The following NHS variants were observed in gnomAD, a reference collection of about 807,000 sequenced individuals.
NHS encodes NHS actin remodeling regulator.
In NHS, 5 loss-of-function variants were observed where a neutral mutation model predicts 72.5. That is an observed-to-expected ratio of 0.07 (90% confidence interval 0.04 to 0.14). The LOEUF is 0.14. Among genes scored for constraint, NHS ranks in the 10% least tolerant of loss-of-function variants. The pLI is 1.00. For missense variants in NHS, 1,072 were observed against 1,355.7 expected, an observed-to-expected ratio of 0.79 and a Z score of 3.29; for synonymous variants, 464 against 547.7, an observed-to-expected ratio of 0.85 and a Z score of 2.13.
chrX:17,574,664 C>T (rs900372759), intron 1 of NHS, among the ~76,000 whole-genome samples: 6 of 111,933 alleles, frequency 5.4e-5, no homozygotes, highest in South Asian at 3.8e-4. Context: ...CTAGGTGAGG[C>T]GACACCCCAT....
At chrX:17,646,421 G>A (rs1343766098) in intron 1 of NHS, among the ~76,000 whole-genome samples, 1 of 111,455 alleles carries the variant, frequency 9.0e-6, no homozygotes, top group Non-Finnish European at 1.9e-5. Context: ...TATCTCAGAG[G>A]GGCCATTGAT....
chrX:17,409,172 G>A (rs964494070), intron 1 of NHS, among the ~76,000 whole-genome samples: 1 of 112,200 alleles, frequency 8.9e-6, no homozygotes, highest in African/African-American at 3.2e-5. Flanking sequence ...ATAACACAAG[G>A]TACTTGTTGC....
At chrX:17,576,196 T>A (rs1259977631) in intron 1 of NHS, among the ~76,000 whole-genome samples, 1 of 112,074 alleles carries the variant, frequency 8.9e-6, no homozygotes, top group Non-Finnish European at 1.9e-5. Context: ...GTTGAATCTC[T>A]GACTCACAGA....
At chrX:17,527,329 C>T (rs1431556694) in intron 1 of NHS, among the ~76,000 whole-genome samples, 1 of 113,172 alleles carries the variant, frequency 8.8e-6, no homozygotes, top group Non-Finnish European at 1.9e-5. Context: ...GACTTGGGCT[C>T]CCAAGTGAAA....
At chrX:17,695,267 C>G (rs1292104991) in intron 3 of NHS, among the ~76,000 whole-genome samples, 1 of 111,956 alleles carries the variant, frequency 8.9e-6, no homozygotes, top group Admixed American at 9.4e-5. Context: ...GATTTATTCA[C>G]TAGGGTGTTC....
chrX:17,645,235 C>T (rs1271034797), intron 1 of NHS, among the ~76,000 whole-genome samples: 1 of 111,642 alleles, frequency 9.0e-6, no homozygotes, highest in African/African-American at 3.3e-5. Context: ...ACATTGGTTA[C>T]TCACTACCAT....
In NHS at chrX:17,727,771, C is replaced by T; in HGVS notation, c.3665C>T (p.Thr1222Ile). ...PDKLHLEKNSTFDVKNRCDPE... is the reference protein window; with the variant it reads ...PDKLHLEKNSIFDVKNRCDPE... ...AAACTACATTTAGAAAAAAACTCTACTTTTGATGTGAAGAATCGCTGCGAT... is the reference window on the plus strand; with the variant it reads ...AAACTACATTTAGAAAAAAACTCTATTTTTGATGTGAAGAATCGCTGCGAT... Residue 1222 changes from threonine to isoleucine, a missense_variant, in exon 7 of 9, where the codon ACT becomes ATT. Physicochemically the swap from Thr to Ile is moderately conservative, Grantham distance 89. Coordinates refer to ENST00000676302, the MANE Select transcript of NHS (RefSeq NM_001291867.2). 8.3e-7 allele frequency: 1 copy of T among 1,211,681 alleles called. No individual in the cohort carries two copies. Among genetic ancestry groups the T allele is most frequent in the South Asian group, 1.8e-5 (1 of 56,977 alleles).
chrX:17,441,533 C>T (rs970857766), intron 1 of NHS, among the ~76,000 whole-genome samples: 1 of 111,650 alleles, frequency 9.0e-6, no homozygotes, highest in African/African-American at 3.3e-5. Flanking sequence ...AATATTTTGG[C>T]GCTTGACACT....
At chrX:17,575,308 C>T (rs999170778) in intron 1 of NHS, among the ~76,000 whole-genome samples, 10 of 113,273 alleles carry the variant, frequency 8.8e-5, no homozygotes, top group African/African-American at 2.2e-4. Flanking sequence ...CTGTTCCCAC[C>T]GGTCCAGCTT....
At chrX:17,627,556 A>G (rs1005263900) in intron 1 of NHS, among the ~76,000 whole-genome samples, 2 of 112,032 alleles carry the variant, frequency 1.8e-5, no homozygotes, top group Admixed American at 9.5e-5. Flanking sequence ...GCCTTTCTTT[A>G]GCATTCACAC....
chrX:17,394,126 A>G (rs1002779055), intron 1 of NHS, among the ~76,000 whole-genome samples: 12 of 111,423 alleles, frequency 1.1e-4, no homozygotes, highest in African/African-American at 3.6e-4. Flanking sequence ...TATCAGGAAT[A>G]TCTGAAACAT....
At chrX:17,522,894 C>T (rs2065157176) in intron 1 of NHS, among the ~76,000 whole-genome samples, 1 of 111,662 alleles carries the variant, frequency 9.0e-6, no homozygotes, top group South Asian at 3.8e-4. Flanking sequence ...TCATGCAGTT[C>T]TAATTCATCT....
chrX:17,440,933 C>T (rs1200151068), intron 1 of NHS, among the ~76,000 whole-genome samples: 1 of 111,150 alleles, frequency 9.0e-6, no homozygotes, highest in Non-Finnish European at 1.9e-5. Flanking sequence ...TTTGGGGAGC[C>T]CAAGGAGCTA....
intron 1 of NHS, among the ~76,000 whole-genome samples, chrX:17,488,317 C>G (rs1452968725): frequency 8.9e-6 from 1 of 111,776 alleles, no homozygotes; most frequent in Non-Finnish European, 1.9e-5. Context: ...AGCTCCCTTT[C>G]CCCCATTCTG....
Position 17,625,079 on chromosome X carries a change from A to G in NHS, c.566-62663A>G, listed in dbSNP as rs180702712. The stretch of plus-strand genomic sequence containing the variant: ...TCAACAAACAATAATTACATATACT[A>G]CATTATATATAACATGTTTATAAAT... On this transcript the variant is annotated intron_variant, in intron 1 of 8. Transcript: ENST00000676302. Among the ~76,000 whole-genome samples, 10 of 112,565 alleles carry G rather than the reference A, an allele frequency of 8.9e-5. No homozygotes were observed. The East Asian group carries it at 2.8e-3, about 31-fold the overall frequency.
At position 17,535,459 on chromosome X, in the gene NHS, T is replaced by C. The variant is rs564632731; in HGVS notation, c.566-152283T>C. Among the ~76,000 whole-genome samples, 5 of 111,913 alleles carry C rather than the reference T, an allele frequency of 4.5e-5. No homozygotes were observed. The South Asian group carries it at 1.1e-3, about 25-fold the overall frequency. On this transcript the variant is annotated intron_variant, in intron 1 of 8. Coordinates refer to ENST00000676302, the MANE Select transcript of NHS (RefSeq NM_001291867.2). Reference sequence around the variant, plus strand: ...CCTAGTCAAACACCGCTAACAGATATTTCTCGTCTGCTCTAGTTTTGACAT... The same window carrying C: ...CCTAGTCAAACACCGCTAACAGATACTTCTCGTCTGCTCTAGTTTTGACAT...
At chrX:17,425,848 A>C (rs967875262) in intron 1 of NHS, 5 of 112,899 alleles carry the variant, frequency 4.4e-5, no homozygotes, top group African/African-American at 1.6e-4. Context: ...TACTACCCAG[A>C]GATACAGACA....
intron 1 of NHS, among the ~76,000 whole-genome samples, chrX:17,664,469 C>T (rs1223281444): frequency 8.9e-6 from 1 of 111,989 alleles, no homozygotes; most frequent in East Asian, 2.8e-4. Flanking sequence ...TTCCTTTCTC[C>T]CATGGAATTG....
At chrX:17,411,013 G>T (rs1199963287) in intron 1 of NHS, among the ~76,000 whole-genome samples, 1 of 111,605 alleles carries the variant, frequency 9.0e-6, no homozygotes, top group Non-Finnish European at 1.9e-5. Flanking sequence ...AGACATTAAG[G>T]ATATTTTGGA....
Sources: gnomAD v4.1 joint callset for allele counts (sites outside exome capture counted in the v4.1 genomes callset) on GRCh38, gnomAD v4.1.1 for gene constraint, MANE v1.5 for transcripts, NCBI Gene and HGNC (gene_info 2026-07-23, HGNC 2026-07-21) for gene names.